The following TNRC6A variants were observed in gnomAD, a reference collection of about 807,000 sequenced individuals.
TNRC6A encodes the protein trinucleotide repeat-containing gene 6A protein.
Under a neutral mutation model 221.2 loss-of-function variants are expected in TNRC6A, and 44 were observed. The observed-to-expected ratio is 0.20, with a 90% CI of 0.16 to 0.26. TNRC6A has a LOEUF of 0.26. Among genes scored for constraint, TNRC6A ranks in the 10% least tolerant of loss-of-function variants. The probability of loss-of-function intolerance (pLI) is 1.00; values close to 1 mark genes in which losing one functional copy is unlikely to be tolerated. For synonymous variants in TNRC6A, 847 were observed against 838.5 expected (o/e 1.01, Z -0.18); for missense variants, 2,199 against 2,404.4 (o/e 0.91, Z 1.79).
At chr16:24,680,587 C>T (rs1310617733) in intron 2 of TNRC6A, among the ~76,000 whole-genome samples, 6 of 151,642 alleles carry the variant, frequency 4.0e-5, no homozygotes, top group East Asian at 2.0e-4. Flanking sequence ...TGTGGTGGCA[C>T]GCACCTGTAG....
chr16:24,677,191 C>G (rs954531085), intron 2 of TNRC6A, among the ~76,000 whole-genome samples: 1 of 145,310 alleles, frequency 6.9e-6, no homozygotes, highest in African/African-American at 2.5e-5. Flanking sequence ...CTGACAGAGT[C>G]TCGCTCTGTT....
At position 24,806,090 on chromosome 16, in the gene TNRC6A, T is replaced by C. The variant is rs531675608; in HGVS notation, c.4252-116T>C. The C allele has an allele frequency of 4.2e-4, 452 of 1,070,456 alleles. 4 individuals carry two copies. The African/African-American group carries it at 6.6e-3, about 16-fold the overall frequency. 66.3% of individuals were successfully genotyped at this position (1,070,456 alleles called of 1,614,324 possible). On this transcript the variant is annotated intron_variant, in intron 15 of 24. Transcript: ENST00000395799. The stretch of plus-strand genomic sequence containing the variant: ...AGATGGTACTAGATAATGCTAGACA[T>C]GTTGGCATTGGCTAGATCACGTCGT...
chr16:24,816,163 A>G (rs1180406755), intron 19 of TNRC6A: 1 of 151,298 alleles, frequency 6.6e-6, no homozygotes, highest in African/African-American at 2.4e-5. Context: ...CATCTCTACT[A>G]AAAATGCAAA....
intron 1 of TNRC6A, among the ~76,000 whole-genome samples, chr16:24,626,315 C>T (rs1218300225): frequency 6.6e-6 from 1 of 151,958 alleles, no homozygotes; most frequent in Non-Finnish European, 1.5e-5. Context: ...AAATATAACA[C>T]ACACAGGAAA....
chr16:24,743,978 A>G (rs1246208237), intron 2 of TNRC6A, among the ~76,000 whole-genome samples: 2 of 152,214 alleles, frequency 1.3e-5, no homozygotes, highest in African/African-American at 2.4e-5. Context: ...CAGGTCTTCA[A>G]TCGAAGATCA....
intron 4 of TNRC6A, among the ~76,000 whole-genome samples, chr16:24,762,073 G>A (rs2057375768): frequency 6.6e-6 from 1 of 152,162 alleles, no homozygotes; most frequent in Non-Finnish European, 1.5e-5. Flanking sequence ...GGGAAGCCCG[G>A]GGAGATCCTA....
rs1448100451 is a variant in TNRC6A at position 24,777,375 on chromosome 16, C to T, written c.589+17C>T. The T allele has an allele frequency of 1.3e-6, 2 of 1,595,752 alleles. No homozygotes were observed. Among genetic ancestry groups the T allele is most frequent in the African/African-American group, 2.7e-5 (2 of 74,678 alleles). ...ACCAGTCAGGTGAGAGAAGGCATTT[C>T]TTACGAGACTCACACCTTATCATCA... is the stretch of plus-strand genomic sequence containing the variant. On this transcript the variant is annotated intron_variant, in intron 5 of 24. Transcript: ENST00000395799.
chr16:24,793,387 G>C (rs1185788270), intron 6 of TNRC6A, 86 bp from the exon 7 acceptor site: 1 of 1,015,422 alleles, frequency 9.8e-7, no homozygotes, highest in Non-Finnish European at 1.3e-6. Context: ...TTCATCCTTG[G>C]TCCCTAAGTT....
At chr16:24,766,861 G>C (rs550828235) in intron 4 of TNRC6A, among the ~76,000 whole-genome samples, 1 of 152,060 alleles carries the variant, frequency 6.6e-6, no homozygotes, top group African/African-American at 2.4e-5. Flanking sequence ...ACTTTCAGTA[G>C]AGACAGGGTT....
At chr16:24,748,834 C>T (rs1040087198) in intron 2 of TNRC6A, among the ~76,000 whole-genome samples, 7 of 152,080 alleles carry the variant, frequency 4.6e-5, no homozygotes, top group South Asian at 2.1e-4. Flanking sequence ...GTGCAGCTTC[C>T]AAAATGTCTA....
At chr16:24,773,867 T>C (rs2057664864) in intron 4 of TNRC6A, among the ~76,000 whole-genome samples, 1 of 152,168 alleles carries the variant, frequency 6.6e-6, no homozygotes, top group East Asian at 1.9e-4. Context: ...CTCTACTTTT[T>C]TTTTTAACCT....
intron 2 of TNRC6A, among the ~76,000 whole-genome samples, chr16:24,740,800 TC>T (rs1374229580): frequency 6.6e-6 from 1 of 152,196 alleles, no homozygotes; most frequent in African/African-American, 2.4e-5. Context: ...AAATCATAAC[TC>T]CCTATTGCCT....
intron 2 of TNRC6A, among the ~76,000 whole-genome samples, chr16:24,714,366 T>A (rs2056271076): frequency 7.3e-6 from 1 of 137,050 alleles, no homozygotes. Context: ...TGGAGTGCAG[T>A]GGCGCAGTCT....
intron 2 of TNRC6A, among the ~76,000 whole-genome samples, chr16:24,656,381 C>T (rs576812908): frequency 2.7e-5 from 4 of 149,808 alleles, no homozygotes; most frequent in African/African-American, 7.3e-5. Context: ...GAAGGAGAAT[C>T]GCTTGAACCC....
At chr16:24,695,746 G>C (rs1303188225) in intron 2 of TNRC6A, among the ~76,000 whole-genome samples, 1 of 152,118 alleles carries the variant, frequency 6.6e-6, no homozygotes, top group Non-Finnish European at 1.5e-5. Flanking sequence ...ATTCAGCATG[G>C]AAAAGCAAGT....
At chr16:24,776,605 T>C in intron 4 of TNRC6A, 1 of 985,458 alleles carries the variant, frequency 1.0e-6, no homozygotes, top group Non-Finnish European at 1.2e-6. Flanking sequence ...CTTTGAGTCA[T>C]TGCGAGTTCC....
intron 2 of TNRC6A, among the ~76,000 whole-genome samples, chr16:24,749,353 T>C (rs2057084990): frequency 1.3e-5 from 2 of 152,178 alleles, no homozygotes; most frequent in Non-Finnish European, 2.9e-5. Context: ...AGATGGGCTT[T>C]GTTCTGGGAC....
At chr16:24,643,077 TATTATA>T (rs1902048672) in intron 2 of TNRC6A, among the ~76,000 whole-genome samples, 1 of 139,614 alleles carries the variant, frequency 7.2e-6, no homozygotes, top group African/African-American at 2.7e-5. Context: ...ATTATATATA[TATTATA>T]TATATATATT....
intron 11 of TNRC6A, among the ~76,000 whole-genome samples, chr16:24,802,544 G>A (rs2058350589): frequency 6.6e-6 from 1 of 152,042 alleles, no homozygotes; most frequent in African/African-American, 2.4e-5. Flanking sequence ...GCCAGACACT[G>A]TCTCAAAAAA....
Sources: allele counts gnomAD v4.1 joint callset (sites outside exome capture counted in the v4.1 genomes callset), GRCh38; gene constraint gnomAD v4.1.1; transcripts MANE v1.5; gene names NCBI Gene and HGNC (gene_info 2026-07-23, HGNC 2026-07-21).